The following FUT8 variants were observed in gnomAD, a reference collection of about 807,000 sequenced individuals.
The protein encoded by FUT8 is alpha-(1,6)-fucosyltransferase.
A neutral mutation model predicts 71.3 loss-of-function variants in FUT8; 29 were observed. The ratio of observed to expected loss-of-function variants is 0.41; its 90% CI spans 0.30 to 0.55. FUT8 has a LOEUF of 0.55. Ranked by LOEUF, FUT8 falls within the 20% of genes least tolerant of loss-of-function variation. The pLI is 0.34. For missense variants in FUT8, 544 were observed against 702.1 expected (o/e 0.77, Z 2.55); for synonymous variants, 254 against 239.3 (o/e 1.06, Z -0.57).
At chr14:65,559,985 A>G (rs1428143052) in intron 2 of FUT8, among the ~76,000 whole-genome samples, 1 of 152,316 alleles carries the variant, frequency 6.6e-6, no homozygotes, top group Non-Finnish European at 1.5e-5. Flanking sequence ...TGTTTTAGCC[A>G]GTGTAAATCA....
intron 3 of FUT8, among the ~76,000 whole-genome samples, chr14:65,601,813 TA>T (rs1459504152): frequency 3.9e-5 from 6 of 152,192 alleles, no homozygotes; most frequent in Admixed American, 2.0e-4. Flanking sequence ...TTTCTGCTGT[TA>T]AAGAGTACTT....
At chr14:65,556,152 C>T (rs1011109322) in intron 2 of FUT8, among the ~76,000 whole-genome samples, 1 of 152,140 alleles carries the variant, frequency 6.6e-6, no homozygotes, top group African/African-American at 2.4e-5. Context: ...TAACACATTA[C>T]CTTTAGACTA....
At chr14:65,674,467 T>A (rs1433432922) in intron 7 of FUT8, among the ~76,000 whole-genome samples, 1 of 152,228 alleles carries the variant, frequency 6.6e-6, no homozygotes, top group Admixed American at 6.5e-5. Context: ...AGGAAAGTTA[T>A]CCTTTTATTC....
chr14:65,580,659 T>A (rs1887042299), intron 3 of FUT8, among the ~76,000 whole-genome samples: 1 of 152,028 alleles, frequency 6.6e-6, no homozygotes, highest in African/African-American at 2.4e-5. Flanking sequence ...AAATATAGGC[T>A]TCCTCCCCCA....
At chr14:65,518,808 C>T (rs563652819) in intron 2 of FUT8, among the ~76,000 whole-genome samples, 1 of 152,320 alleles carries the variant, frequency 6.6e-6, no homozygotes, top group African/African-American at 2.4e-5. Flanking sequence ...GCATGAACTA[C>T]TGTGCCAGGC....
intron 7 of FUT8, among the ~76,000 whole-genome samples, chr14:65,693,015 T>A (rs1893769408): frequency 6.7e-6 from 1 of 150,272 alleles, no homozygotes; most frequent in East Asian, 2.0e-4. Context: ...TGCTCCTCAC[T>A]TTCCAGACTG....
At position 65,450,957 on chromosome 14, in the gene FUT8, C is replaced by T. The variant is rs576885144; in HGVS notation, c.-325-4664C>T. ...CTGCAAGCTCCGCCTCCCAGGTTCA[C>T]GCCATTCTCCTGCCTCAGCCTCCCT... On this transcript the variant is annotated intron_variant, in intron 1 of 10. Transcript: ENST00000673929. Among the ~76,000 whole-genome samples, 51 of 151,846 alleles carry T rather than the reference C, an allele frequency of 3.4e-4. 1 individual carries two copies. In the East Asian group the frequency reaches 5.2e-3, roughly 16 times the overall value.
At chr14:65,522,900 A>G (rs1883182644) in intron 2 of FUT8, among the ~76,000 whole-genome samples, 1 of 151,900 alleles carries the variant, frequency 6.6e-6, no homozygotes, top group South Asian at 2.1e-4. Flanking sequence ...AAGGACATGA[A>G]CTCATCCTTT....
chr14:65,405,144 G>A, the FUT8 span, among the ~76,000 whole-genome samples: 7 of 152,104 alleles, frequency 4.6e-5, no homozygotes, highest in African/African-American at 7.2e-5. Flanking sequence ...TCAGGTAATA[G>A]GATGGAGAGA....
chr14:65,547,315 G>A (rs571894312), intron 2 of FUT8, among the ~76,000 whole-genome samples: 1 of 151,130 alleles, frequency 6.6e-6, no homozygotes, highest in Non-Finnish European at 1.5e-5. Flanking sequence ...TACCTCTTGA[G>A]GTATAATATA....
intron 5 of FUT8, among the ~76,000 whole-genome samples, chr14:65,625,064 CATAA>C (rs145476463): frequency 1.8e-3 from 257 of 146,524 alleles, no homozygotes; most frequent in Middle Eastern, 3.6e-3. Flanking sequence ...GAAACTCTGT[CATAA>C]ATAAATAAAT....
chr14:65,565,075 TGG>T (rs1179508370), intron 3 of FUT8, among the ~76,000 whole-genome samples: 1 of 151,950 alleles, frequency 6.6e-6, no homozygotes, highest in Non-Finnish European at 1.5e-5. Flanking sequence ...CTTCAATTCA[TGG>T]TGGGAAGTGG....
At chr14:65,554,402 T>G (rs1473315672) in intron 2 of FUT8, among the ~76,000 whole-genome samples, 2 of 139,164 alleles carry the variant, frequency 1.4e-5, no homozygotes, top group African/African-American at 2.6e-5. Context: ...ATGGTTTGGG[T>G]TTTTTTTTTA....
At position 65,439,954 on chromosome 14, in the gene FUT8, GTATATATATATATATATATATA is replaced by G. The variant is rs60534547; in HGVS notation, c.-325-15651_-325-15630del. On this transcript the variant is annotated intron_variant, in intron 1 of 10. Coordinates refer to ENST00000673929, the MANE Select transcript of FUT8 (RefSeq NM_001371533.1). ...ATAAAGAAAATGTGTGTGTGTGTGTGTATATATATATATATATATATATATATATATATATATGTACACACAC... is the reference window on the plus strand; with the variant it reads ...ATAAAGAAAATGTGTGTGTGTGTGTGTATATATATATATATGTACACACAC... Among the ~76,000 whole-genome samples the G allele has an allele frequency of 4.1e-4, 31 of 74,972 alleles. 1 individual carries two copies. Among genetic ancestry groups the G allele is most frequent in the African/African-American group, 1.3e-3 (26 of 19,790 alleles). 49.2% of individuals were successfully genotyped at this position (74,972 alleles called of 152,430 possible). A position where few individuals can be genotyped will look rare whatever the true frequency, so the allele number is the denominator to read the frequency against.
Position 65,608,479 on chromosome 14 carries a change from A to G in FUT8, c.204-7499A>G, listed in dbSNP as rs567112862. On this transcript the variant is annotated intron_variant, in intron 3 of 10. Coordinates refer to ENST00000673929, the MANE Select transcript of FUT8 (RefSeq NM_001371533.1). ...TTAGGCTACAACTCACTAGTTTTTC[A>G]TATTCTGATTGCAAAGCAGTAATTT... 3.9e-5 allele frequency among the ~76,000 whole-genome samples: 6 copies of G among 152,068 alleles called. No individual in the cohort carries two copies. In the East Asian group the frequency reaches 1.2e-3, roughly 29 times the overall value.
intron 6 of FUT8, among the ~76,000 whole-genome samples, chr14:65,653,195 A>C (rs1248672090): frequency 2.6e-5 from 4 of 152,176 alleles, no homozygotes; most frequent in Admixed American, 1.3e-4. Flanking sequence ...GTTGTAGAAA[A>C]GCATGTGGAA....
chr14:65,742,373 C>CTTT lies in FUT8; in HGVS notation c.1691_1692insTTT (p.Thr564_Val565insLeu). On this transcript the variant is annotated inframe_insertion, in exon 11 of 11. Coordinates refer to ENST00000673929, the MANE Select transcript of FUT8 (RefSeq NM_001371533.1). Reference sequence around the variant, plus strand: ...TACAAAGTTCGAGAGAAGATAGAAACGGTCAAGTACCCCACATATCCTGAG... The same window carrying CTTT: ...TACAAAGTTCGAGAGAAGATAGAAACTTTGGTCAAGTACCCCACATATCCTGAG... 1 of 1,612,560 alleles carries CTTT rather than the reference C, an allele frequency of 6.2e-7. No individual in the cohort carries two copies. The highest frequency in any genetic ancestry group is 8.5e-7 in the Non-Finnish European group (1 of 1,179,082).
intron 3 of FUT8, among the ~76,000 whole-genome samples, chr14:65,562,926 A>G (rs1885989818): frequency 1.3e-5 from 2 of 151,560 alleles, no homozygotes; most frequent in South Asian, 2.1e-4. Flanking sequence ...CTCATTTTCT[A>G]CTCTCACTGC....
intron 2 of FUT8, among the ~76,000 whole-genome samples, chr14:65,507,819 G>A (rs1012521128): frequency 4.6e-5 from 7 of 152,172 alleles, no homozygotes; most frequent in Non-Finnish European, 7.3e-5. Context: ...TATATACCTA[G>A]CAGTGGGATT....
Sources: allele counts gnomAD v4.1 joint callset (sites outside exome capture counted in the v4.1 genomes callset), GRCh38; gene constraint gnomAD v4.1.1; transcripts MANE v1.5; gene names NCBI Gene and HGNC (gene_info 2026-07-23, HGNC 2026-07-21).